ALK: variants seen among roughly 807,000 people sequenced by gnomAD.
The protein encoded by ALK is ALK receptor tyrosine kinase.
In ALK, 74 loss-of-function variants were observed where a neutral mutation model predicts 163.1. The ratio of observed to expected loss-of-function variants is 0.45; its 90% confidence interval spans 0.38 to 0.55. The LOEUF (loss-of-function observed/expected upper bound fraction) is 0.55. ALK is among the 20% of genes least tolerant of loss of function. ALK has a pLI of 0.00. For synonymous variants in ALK, 960 were observed against 843.2 expected (o/e 1.14, Z -2.40); for missense variants, 2,063 against 2,105.3 (o/e 0.98, Z 0.39).
chr2:29,594,964 G>T (rs147165647), intron 3 of ALK, among the ~76,000 whole-genome samples: 2 of 151,096 alleles, frequency 1.3e-5, no homozygotes, highest in Non-Finnish European at 2.9e-5. Flanking sequence ...CAAAAGGAAG[G>T]AACAGAAGGA....
At chr2:29,732,063 C>A (rs940440840) in intron 1 of ALK, among the ~76,000 whole-genome samples, 5 of 152,336 alleles carry the variant, frequency 3.3e-5, no homozygotes, top group African/African-American at 9.6e-5. Context: ...GAATCCTCAT[C>A]TTCAAGAATA....
chr2:29,540,595 A>T (rs199676063), intron 3 of ALK, among the ~76,000 whole-genome samples: 103 of 144,160 alleles, frequency 7.1e-4, no homozygotes, highest in South Asian at 2.9e-3. Context: ...TTTTTTTTAA[A>T]AAAAAAAAAC....
chr2:29,447,361 C>T (rs13391272), intron 4 of ALK, among the ~76,000 whole-genome samples: 2,051 of 152,232 alleles, frequency 0.013, 53 homozygotes, highest in African/African-American at 0.047. Flanking sequence ...CTGGGTAAGA[C>T]GCGGACAGAG....
chr2:29,596,865 T>G (rs1341471064), intron 3 of ALK, among the ~76,000 whole-genome samples: 1 of 152,190 alleles, frequency 6.6e-6, no homozygotes, highest in Non-Finnish European at 1.5e-5. Context: ...GCAGACTGCT[T>G]GCTATGTCTT....
intron 1 of ALK, among the ~76,000 whole-genome samples, chr2:29,766,407 C>T (rs1046771589): frequency 1.1e-4 from 16 of 152,172 alleles, no homozygotes; most frequent in African/African-American, 7.2e-5. Flanking sequence ...CACCATGAAT[C>T]ACCCCATGTT....
At chr2:29,753,105 C>T (rs967456881) in intron 1 of ALK, among the ~76,000 whole-genome samples, 5 of 152,136 alleles carry the variant, frequency 3.3e-5, no homozygotes, top group African/African-American at 4.8e-5. Flanking sequence ...CAGAAACACA[C>T]AGAAGGAGAA....
intron 23 of ALK, among the ~76,000 whole-genome samples, chr2:29,219,982 T>G (rs1200921456): frequency 6.6e-6 from 1 of 152,220 alleles, no homozygotes; most frequent in Non-Finnish European, 1.5e-5. Context: ...CAGAGTGACC[T>G]GCCCAGGTCA....
At chr2:29,774,352 A>C (rs1681112182) in intron 1 of ALK, among the ~76,000 whole-genome samples, 1 of 152,198 alleles carries the variant, frequency 6.6e-6, no homozygotes, top group South Asian at 2.1e-4. Flanking sequence ...TGTGGGGTTG[A>C]AGCTGTGGGG....
intron 3 of ALK, among the ~76,000 whole-genome samples, chr2:29,625,494 C>T (rs972507083): frequency 1.3e-5 from 2 of 152,156 alleles, no homozygotes; most frequent in Non-Finnish European, 2.9e-5. Flanking sequence ...TTACAACTAC[C>T]TAAATTTCAC....
intron 19 of ALK, chr2:29,224,505 G>T (rs1663875019): frequency 8.7e-6 from 2 of 229,064 alleles, no homozygotes; most frequent in Non-Finnish European, 1.7e-5. Context: ...CTACATGTGA[G>T]GATGTTCTGG....
intron 11 of ALK, among the ~76,000 whole-genome samples, chr2:29,259,658 T>A (rs1383881765): frequency 6.6e-6 from 1 of 152,112 alleles, no homozygotes; most frequent in Non-Finnish European, 1.5e-5. Context: ...TTTGCTTAGG[T>A]GTCCAAAGTA....
chr2:29,909,081 C>G (rs1667628719), intron 1 of ALK, among the ~76,000 whole-genome samples: 1 of 152,216 alleles, frequency 6.6e-6, no homozygotes, highest in South Asian at 2.1e-4. Context: ...TATGGTATCT[C>G]AGGAGACAAG....
intron 16 of ALK, among the ~76,000 whole-genome samples, chr2:29,228,163 C>T (rs556179003): frequency 3.3e-5 from 5 of 152,210 alleles, no homozygotes; most frequent in Admixed American, 1.3e-4. Flanking sequence ...GCTCCCCCCT[C>T]GGGCTCCTCC....
chr2:29,679,068 A>G (rs2148277164), intron 3 of ALK, among the ~76,000 whole-genome samples: 1 of 151,994 alleles, frequency 6.6e-6, no homozygotes, highest in African/African-American at 2.4e-5. Context: ...ATGCACATAC[A>G]TTTATAATTG....
intron 4 of ALK, among the ~76,000 whole-genome samples, chr2:29,524,930 GGAT>G (rs1672918605): frequency 6.6e-6 from 1 of 151,966 alleles, no homozygotes; most frequent in Non-Finnish European, 1.5e-5. Context: ...TGGGATGTAT[GGAT>G]GGATAATGGA....
At chr2:29,348,261 G>A (rs1286016022) in intron 5 of ALK, among the ~76,000 whole-genome samples, 1 of 152,178 alleles carries the variant, frequency 6.6e-6, no homozygotes. Context: ...TGTCCCCCAG[G>A]GTGGTCCATC....
chr2:29,673,436 T>A (rs947102868), intron 3 of ALK, among the ~76,000 whole-genome samples: 21 of 138,958 alleles, frequency 1.5e-4, no homozygotes, highest in African/African-American at 5.4e-4. Context: ...AAATTGGGAA[T>A]CCTTTCCCCA....
chr2:29,502,259 T>C (rs953906228), intron 4 of ALK, among the ~76,000 whole-genome samples: 4 of 152,180 alleles, frequency 2.6e-5, no homozygotes, highest in African/African-American at 9.7e-5. Context: ...GTACAGACCA[T>C]TGCTGGCTTC....
chr2:29,485,770 A>G (rs916730867), intron 4 of ALK, among the ~76,000 whole-genome samples: 3 of 152,194 alleles, frequency 2.0e-5, no homozygotes, highest in African/African-American at 7.2e-5. Context: ...GGTCAGAACC[A>G]GATTCAATCT....
Sources: gnomAD v4.1 joint callset for allele counts (sites outside exome capture counted in the v4.1 genomes callset) on GRCh38, gnomAD v4.1.1 for gene constraint, MANE v1.5 for transcripts, NCBI Gene and HGNC (gene_info 2026-07-23, HGNC 2026-07-21) for gene names.